Variants in LATS2 observed in about 807,000 individuals in gnomAD.
LATS2 encodes serine/threonine-protein kinase LATS2.
Under a neutral mutation model 76.0 loss-of-function variants are expected in LATS2, and 24 were observed. That is an observed-to-expected ratio of 0.32 (90% CI 0.23 to 0.44). The LOEUF is 0.44. Ranked by LOEUF, LATS2 falls within the 20% of genes least tolerant of loss-of-function variation. The probability of loss-of-function intolerance (pLI) is 1.00; values close to 1 mark genes in which losing one functional copy is unlikely to be tolerated. For missense variants in LATS2, 1,286 were observed against 1,481.2 expected (o/e 0.87, Z 2.16); for synonymous variants, 692 against 635.4 (o/e 1.09, Z -1.34).
At chr13:21,022,467 G>A (rs1436931135) in intron 2 of LATS2, among the ~76,000 whole-genome samples, 3 of 152,146 alleles carry the variant, frequency 2.0e-5, no homozygotes, top group Admixed American at 6.5e-5. Flanking sequence ...TGTACTGCAC[G>A]GTTAGAAGGT....
At chr13:21,002,520 G>A (rs1871097334) in intron 2 of LATS2, among the ~76,000 whole-genome samples, 1 of 151,694 alleles carries the variant, frequency 6.6e-6, no homozygotes, top group African/African-American at 2.4e-5. Flanking sequence ...GACTACAGGT[G>A]CGTTACCACC....
At chr13:20,976,909 C>T (rs893653678) in intron 7 of LATS2, among the ~76,000 whole-genome samples, 2 of 152,116 alleles carry the variant, frequency 1.3e-5, no homozygotes, top group African/African-American at 4.8e-5. Flanking sequence ...AAACACAGAA[C>T]GACCATATAA....
In LATS2 at chr13:20,973,971, T is replaced by TCC. The variant is rs10659630; in HGVS notation, c.*897_*898dup. ...TTCAGTATATGACAAATGTTTCAGT[T>TCC]CCCCCCCCCCAAAGAATCCAATCAC... On this transcript the variant is annotated 3_prime_UTR_variant, in exon 8 of 8. Transcript: ENST00000382592. The TCC allele has an allele frequency of 0.013, 2,443 of 187,784 alleles. 66 individuals are homozygous for TCC. The highest frequency in any genetic ancestry group is 0.057 in the African/African-American group (2,147 of 37,484). The allele number at this position is 187,784 out of a possible 1,614,324, so 11.6% of individuals were successfully genotyped here.
rs185858479 is a variant in LATS2, at chr13:21,040,978, T to G, written c.342+4707A>C. Among the ~76,000 whole-genome samples the G allele has an allele frequency of 2.0e-3, 287 of 140,770 alleles. 1 individual carries two copies. The highest frequency in any genetic ancestry group is 7.8e-3 in the African/African-American group (272 of 34,734). 92.4% of individuals were successfully genotyped at this position (140,770 alleles called of 152,430 possible). A position where few individuals can be genotyped will look rare whatever the true frequency, so the allele number is the denominator to read the frequency against. On this transcript the variant is annotated intron_variant, in intron 2 of 7. Coordinates refer to ENST00000382592, the MANE Select transcript of LATS2 (RefSeq NM_014572.3). ...TTCCCCCTTGAGGCATGTGTTCACC[T>G]TTTTTTTTTTCTGAGGCAGAGTCTC...
chr13:21,017,109 G>GTT, intron 2 of LATS2, among the ~76,000 whole-genome samples: 1 of 152,328 alleles, frequency 6.6e-6, no homozygotes. Context: ...CCCAGTGGTG[G>GTT]TTACTGGAGG....
chr13:20,980,907 G>C (rs1252925068), intron 6 of LATS2, among the ~76,000 whole-genome samples: 1 of 152,216 alleles, frequency 6.6e-6, no homozygotes, highest in Non-Finnish European at 1.5e-5. Flanking sequence ...TACTGAACCA[G>C]ATGTTGCATT....
chr13:20,987,314 A>C (rs73169516), intron 4 of LATS2, among the ~76,000 whole-genome samples: 5,079 of 152,356 alleles, frequency 0.033, 127 homozygotes, highest in Middle Eastern at 0.065. Context: ...CAGGCTTTGG[A>C]ATTATTGGCT....
At chr13:20,981,730 A>G in intron 5 of LATS2, 82 bp from the exon 6 acceptor site, 1 of 1,111,350 alleles carries the variant, frequency 9.0e-7, no homozygotes, top group Non-Finnish European at 1.3e-6. Flanking sequence ...CAACAGATCC[A>G]CAGCTTAAAA....
At chr13:21,018,771 A>G (rs1199293611) in intron 2 of LATS2, among the ~76,000 whole-genome samples, 2 of 151,914 alleles carry the variant, frequency 1.3e-5, no homozygotes, top group Non-Finnish European at 1.5e-5. Context: ...CTCCTGCTTC[A>G]GCCTCCTGAG....
intron 2 of LATS2, among the ~76,000 whole-genome samples, chr13:21,014,224 G>A (rs960865679): frequency 5.3e-5 from 8 of 152,214 alleles, no homozygotes; most frequent in Non-Finnish European, 1.2e-4. Flanking sequence ...CCAGATGGAT[G>A]ACAGGGCTCT....
intron 2 of LATS2, among the ~76,000 whole-genome samples, chr13:21,000,866 CTA>C (rs1465782914): frequency 2.6e-5 from 4 of 152,084 alleles, no homozygotes; most frequent in Non-Finnish European, 5.9e-5. Flanking sequence ...CTCTTAGTAA[CTA>C]TGTACACAAA....
intron 1 of LATS2, among the ~76,000 whole-genome samples, chr13:21,053,746 G>A (rs1316697927): frequency 1.3e-5 from 2 of 152,188 alleles, no homozygotes; most frequent in Non-Finnish European, 2.9e-5. Flanking sequence ...CTATAAAAAG[G>A]AAGGAAATCC....
intron 2 of LATS2, chr13:21,038,772 T>A (rs893905200): frequency 5.3e-5 from 8 of 152,154 alleles, no homozygotes; most frequent in Admixed American, 4.6e-4. Flanking sequence ...AGGTCAGGAG[T>A]TCTAGACCAG....
intron 4 of LATS2, among the ~76,000 whole-genome samples, chr13:20,986,684 A>C (rs1179473203): frequency 6.6e-6 from 1 of 152,186 alleles, no homozygotes; most frequent in East Asian, 1.9e-4. Flanking sequence ...AGCTGGATAG[A>C]AGGAACAAAC....
chr13:20,983,909 A>C, intron 4 of LATS2, 103 bp from the exon 5 acceptor site: 138 of 847,916 alleles, frequency 1.6e-4, no homozygotes, highest in South Asian at 2.8e-4. Context: ...AACCTAGCTC[A>C]TTTTACAGAA....
At chr13:21,021,751 C>T (rs1488575565) in intron 2 of LATS2, among the ~76,000 whole-genome samples, 1 of 152,184 alleles carries the variant, frequency 6.6e-6, no homozygotes, top group East Asian at 1.9e-4. Flanking sequence ...AGGCTAAGAG[C>T]ATGCCCTTGG....
intron 1 of LATS2, among the ~76,000 whole-genome samples, chr13:21,054,542 C>T (rs1028892073): frequency 1.3e-5 from 2 of 152,218 alleles, no homozygotes; most frequent in African/African-American, 4.8e-5. Flanking sequence ...CACCTCCCCA[C>T]CCCACTGGCC....
intron 2 of LATS2, among the ~76,000 whole-genome samples, chr13:20,999,047 C>CA (rs1420134979): frequency 1.3e-5 from 2 of 152,244 alleles, no homozygotes; most frequent in African/African-American, 4.8e-5. Context: ...ACCTGGTCCA[C>CA]AACCTTGTCC....
chr13:21,021,567 C>G (rs373945996), intron 2 of LATS2, among the ~76,000 whole-genome samples: 82 of 150,386 alleles, frequency 5.5e-4, no homozygotes, highest in Middle Eastern at 3.7e-3. Flanking sequence ...AACCCTTTGC[C>G]AAGTTCTTAC....
Sources: gnomAD v4.1 joint callset for allele counts (sites outside exome capture counted in the v4.1 genomes callset) on GRCh38, gnomAD v4.1.1 for gene constraint, MANE v1.5 for transcripts, NCBI Gene and HGNC (gene_info 2026-07-23, HGNC 2026-07-21) for gene names.